The following TOM1L2 variants were observed in gnomAD, a reference collection of about 807,000 sequenced individuals.
TOM1L2 encodes TOM1-like protein 2.
In TOM1L2, 31 loss-of-function variants were observed where a neutral mutation model predicts 67.9. The observed-to-expected ratio is 0.46, with a 90% CI of 0.34 to 0.62. The LOEUF (loss-of-function observed/expected upper bound fraction) is 0.62, where lower values mean the gene tolerates loss of function less well. Among genes scored for constraint, TOM1L2 ranks in the 20% least tolerant of loss-of-function variants. The probability of loss-of-function intolerance (pLI) is 0.01; values close to 1 mark genes in which losing one functional copy is unlikely to be tolerated. For synonymous variants in TOM1L2, 256 were observed against 254.0 expected (o/e 1.01, Z -0.07); for missense variants, 606 against 663.5 (o/e 0.91, Z 0.95).
At chr17:17,924,546 A>G (rs1458718284) in intron 1 of TOM1L2, among the ~76,000 whole-genome samples, 4 of 152,094 alleles carry the variant, frequency 2.6e-5, no homozygotes, top group Non-Finnish European at 5.9e-5. Context: ...AAGCAGGAGG[A>G]TCACTTAAGC....
At position 17,884,492 on chromosome 17, in the gene TOM1L2, T is replaced by C. The variant is rs1302067946; in HGVS notation, c.501+142A>G. 2.6e-6 allele frequency: 3 copies of C among 1,134,370 alleles called. No homozygotes were observed. The East Asian group carries it at 7.3e-5, about 28-fold the overall frequency. The allele number at this position is 1,134,370 out of a possible 1,614,324, so 70.3% of individuals were successfully genotyped here. On this transcript the variant is annotated intron_variant, in intron 5 of 14. Coordinates refer to ENST00000379504, the MANE Select transcript of TOM1L2 (RefSeq NM_001082968.2). The stretch of plus-strand genomic sequence containing the variant: ...TCTCACTCCTGCATGCCCCTTGTTA[T>C]TAAAAAGGAATGCCCCCGAGCTTTA...
intron 1 of TOM1L2, among the ~76,000 whole-genome samples, chr17:17,940,271 C>T (rs916409639): frequency 4.7e-5 from 7 of 148,014 alleles, no homozygotes; most frequent in African/African-American, 1.8e-4. Context: ...TGAGCTTATA[C>T]GGGTCAAGCA....
At chr17:17,930,795 G>A (rs375019071) in intron 1 of TOM1L2, among the ~76,000 whole-genome samples, 1 of 152,226 alleles carries the variant, frequency 6.6e-6, no homozygotes, top group African/African-American at 2.4e-5. Flanking sequence ...GACAGTTATT[G>A]CAACTAGACA....
At chr17:17,909,621 T>A (rs115940195) in intron 1 of TOM1L2, among the ~76,000 whole-genome samples, 3 of 151,954 alleles carry the variant, frequency 2.0e-5, no homozygotes, top group Non-Finnish European at 4.4e-5. Context: ...TGGGGAGTTA[T>A]TGTTTAATGA....
At chr17:17,914,869 CTTTTTTAGGTAA>C in intron 1 of TOM1L2, among the ~76,000 whole-genome samples, 1 of 152,252 alleles carries the variant, frequency 6.6e-6, no homozygotes, top group African/African-American at 2.4e-5. Flanking sequence ...AGGGATATAT[CTTTTTTAGGTAA>C]AAAAAAATTT....
intron 4 of TOM1L2, among the ~76,000 whole-genome samples, chr17:17,887,074 T>C (rs1015728366): frequency 1.3e-5 from 2 of 152,232 alleles, no homozygotes; most frequent in South Asian, 2.1e-4. Context: ...CTTCCTGATA[T>C]TTTCTGTCCC....
intron 12 of TOM1L2, chr17:17,857,682 C>T (rs911175646): frequency 6.6e-5 from 79 of 1,194,224 alleles, no homozygotes; most frequent in Non-Finnish European, 8.8e-5. Flanking sequence ...CACAAAGGCT[C>T]GGCAGGTCAC....
intron 1 of TOM1L2, among the ~76,000 whole-genome samples, chr17:17,955,780 C>T (rs554465263): frequency 6.6e-6 from 1 of 152,124 alleles, no homozygotes; most frequent in African/African-American, 2.4e-5. Flanking sequence ...TTCTTAAAGG[C>T]GGCGTGTCTG....
chr17:17,870,785 C>T lies in TOM1L2; in HGVS notation c.778-1312G>A, dbSNP rs147642961. Among the ~76,000 whole-genome samples, 19 of 152,310 alleles carry T rather than the reference C, an allele frequency of 1.2e-4. No homozygotes were observed. The East Asian group carries it at 3.7e-3, about 29-fold the overall frequency. On this transcript the variant is annotated intron_variant, in intron 7 of 14. Transcript: ENST00000379504. Reference sequence around the variant, plus strand: ...GAGGGGGTGTTACCATTTATCCACTCAAGGATGCCCTCAAGCCCCGCACTG... The same window carrying T: ...GAGGGGGTGTTACCATTTATCCACTTAAGGATGCCCTCAAGCCCCGCACTG...
chr17:17,959,600 A>G (rs1198824599), intron 1 of TOM1L2, among the ~76,000 whole-genome samples: 1 of 152,164 alleles, frequency 6.6e-6, no homozygotes, highest in Non-Finnish European at 1.5e-5. Flanking sequence ...AAGCAACATC[A>G]TTTCTCAGGC....
Position 17,866,866 on chromosome 17 carries a change from G to C in TOM1L2, c.960+10C>G, listed in dbSNP as rs758847316. 1.9e-6 allele frequency: 3 copies of C among 1,613,494 alleles called. No individual in the cohort carries two copies. The highest frequency in any genetic ancestry group is 1.3e-5 in the African/African-American group (1 of 74,912). On this transcript the variant is annotated intron_variant, in intron 9 of 14. Coordinates refer to ENST00000379504, the MANE Select transcript of TOM1L2 (RefSeq NM_001082968.2). Reference sequence around the variant, plus strand: ...CTCAGGAGATGACAGGATTCTGAAGGAATACTTACTCCATTACTGGCATTT... The same window carrying C: ...CTCAGGAGATGACAGGATTCTGAAGCAATACTTACTCCATTACTGGCATTT...
chr17:17,880,930 C>T (rs1896001802), intron 6 of TOM1L2, among the ~76,000 whole-genome samples: 6 of 152,206 alleles, frequency 3.9e-5, no homozygotes, highest in Admixed American at 3.9e-4. Context: ...TGACTCTCCC[C>T]ACCCCATCCT....
At chr17:17,961,640 G>T (rs1460388212) in intron 1 of TOM1L2, among the ~76,000 whole-genome samples, 4 of 152,076 alleles carry the variant, frequency 2.6e-5, no homozygotes, top group African/African-American at 9.7e-5. Context: ...TTGGGAGGCC[G>T]AGGCGGGCGC....
chr17:17,912,472 G>A (rs1187721410), intron 1 of TOM1L2, among the ~76,000 whole-genome samples: 1 of 151,724 alleles, frequency 6.6e-6, no homozygotes, highest in African/African-American at 2.4e-5. Context: ...TCTCAGACGG[G>A]GTGGCCGGGC....
At chr17:17,969,761 GT>G (rs1318061072) in intron 1 of TOM1L2, among the ~76,000 whole-genome samples, 2 of 152,158 alleles carry the variant, frequency 1.3e-5, no homozygotes, top group Non-Finnish European at 2.9e-5. Context: ...AACAGTGGCA[GT>G]TTCAATTTAC....
chr17:17,860,595 T>C (rs1450219498), intron 12 of TOM1L2, among the ~76,000 whole-genome samples: 1 of 152,176 alleles, frequency 6.6e-6, no homozygotes, highest in African/African-American at 2.4e-5. Context: ...AACCTTCCTG[T>C]CCAGTGGACA....
At chr17:17,867,995 C>T (rs2036949402) in intron 8 of TOM1L2, among the ~76,000 whole-genome samples, 1 of 152,100 alleles carries the variant, frequency 6.6e-6, no homozygotes, top group African/African-American at 2.4e-5. Context: ...CAGCCCCAGG[C>T]TTTGCCTCTG....
chr17:17,868,972 C>T (rs2037000172), intron 8 of TOM1L2: 2 of 172,802 alleles, frequency 1.2e-5, no homozygotes, highest in African/African-American at 2.4e-5. Flanking sequence ...CCCTTTAATC[C>T]TTTTCAAATT....
chr17:17,850,247 G>C (rs1299379175), intron 13 of TOM1L2, among the ~76,000 whole-genome samples: 2 of 152,188 alleles, frequency 1.3e-5, no homozygotes, highest in Admixed American at 1.3e-4. Context: ...AAAGTGCTTT[G>C]TAAAGAACAG....
Sources: allele counts gnomAD v4.1 joint callset (sites outside exome capture counted in the v4.1 genomes callset), GRCh38; gene constraint gnomAD v4.1.1; transcripts MANE v1.5; gene names NCBI Gene and HGNC (gene_info 2026-07-23, HGNC 2026-07-21).